Variants in CLEC7A observed in about 807,000 individuals in gnomAD.
CLEC7A encodes the protein C-type lectin domain family 7 member A.
CLEC7A carries 25 observed loss-of-function variants against 26.9 expected under a neutral mutation model. That is an observed-to-expected ratio of 0.93 (90% CI 0.68 to 1.30). The LOEUF (loss-of-function observed/expected upper bound fraction) is 1.30, where lower values mean the gene tolerates loss of function less well. CLEC7A is among the 50% of genes most tolerant of loss of function. The pLI, the probability that CLEC7A is intolerant of heterozygous loss-of-function variation, is 0.00. For synonymous variants in CLEC7A, 100 were observed against 99.5 expected, an observed-to-expected ratio of 1.01 and a Z score of -0.03; for missense variants, 275 against 286.7, an observed-to-expected ratio of 0.96 and a Z score of 0.29.
At chr12:10,118,696 G>T in intron 5 of CLEC7A, 106 bp from the exon 6 acceptor site, 1 of 963,962 alleles carries the variant, frequency 1.0e-6, no homozygotes, top group Non-Finnish European at 1.5e-6. Context: ...GAGTTCTGAA[G>T]TGTTTCTATT....
chr12:10,121,887 A>G (rs1369675606), intron 5 of CLEC7A, among the ~76,000 whole-genome samples: 1 of 152,200 alleles, frequency 6.6e-6, no homozygotes, highest in Non-Finnish European at 1.5e-5. Flanking sequence ...GAGCGCCTGT[A>G]GTCCCAGCTA....
intron 4 of CLEC7A, 129 bp from the exon 5 acceptor site, chr12:10,123,492 T>C (rs1948166987): frequency 4.6e-6 from 3 of 657,232 alleles, no homozygotes; most frequent in South Asian, 1.9e-5. Flanking sequence ...CCGGGCGCGG[T>C]GGCTCACGCC....
chr12:10,129,244 A>C (rs1229008503), intron 1 of CLEC7A, among the ~76,000 whole-genome samples: 1 of 149,654 alleles, frequency 6.7e-6, no homozygotes, highest in Non-Finnish European at 1.5e-5. Flanking sequence ...CTCTTACCAC[A>C]AAAAAAAAAT....
At chr12:10,124,392 T>C (rs1002800593) in intron 4 of CLEC7A, among the ~76,000 whole-genome samples, 5 of 152,236 alleles carry the variant, frequency 3.3e-5, no homozygotes, top group Admixed American at 6.5e-5. Flanking sequence ...TCTTACCTCA[T>C]TGAAGCTCTA....
At chr12:10,127,428 C>G in intron 2 of CLEC7A, 2 of 1,614,018 alleles carry the variant, frequency 1.2e-6, no homozygotes, top group Non-Finnish European at 1.7e-6. Context: ...TTGAATTCCA[C>G]AGCTTTGAAA....
rs915427145 is a variant in CLEC7A, at chr12:10,129,970, A to G, written c.103+10T>C. 6.6e-7 allele frequency: 1 copy of G among 1,513,106 alleles called. No homozygotes were observed. The highest frequency in any genetic ancestry group is 1.7e-5 in the Admixed American group (1 of 59,614). 93.7% of individuals were successfully genotyped at this position (1,513,106 alleles called of 1,614,324 possible). A position where few individuals can be genotyped will look rare whatever the true frequency, so the allele number is the denominator to read the frequency against. On this transcript the variant is annotated intron_variant, in intron 1 of 5. Coordinates refer to ENST00000304084, the MANE Select transcript of CLEC7A (RefSeq NM_197947.3). The stretch of plus-strand genomic sequence containing the variant: ...GCTAAAGGCACACATTAGAAAAAAC[A>G]TATATATACCTTTCTCTGAAACAAC...
intron 4 of CLEC7A, among the ~76,000 whole-genome samples, chr12:10,123,810 A>G (rs73262344): frequency 0.019 from 2,806 of 151,364 alleles, 97 homozygotes; most frequent in African/African-American, 0.066. Flanking sequence ...ACATCAACCT[A>G]GAGAGAAGTG....
chr12:10,125,491 A>C, intron 3 of CLEC7A, 43 bp from the exon 4 acceptor site: 1 of 1,540,938 alleles, frequency 6.5e-7, no homozygotes, highest in Non-Finnish European at 8.8e-7. Flanking sequence ...TAGCATACCA[A>C]TTCACTCTTT....
At chr12:10,123,093 G>C in intron 5 of CLEC7A, 152 bp downstream of exon 5, 1 of 606,092 alleles carries the variant, frequency 1.6e-6, no homozygotes, top group Non-Finnish European at 3.0e-6. Context: ...TCTTGTCCTA[G>C]TTCACTCTTT....
chr12:10,128,585 CTTTGTTGTTTTT>C (rs976462765), intron 1 of CLEC7A, among the ~76,000 whole-genome samples: 13 of 152,106 alleles, frequency 8.5e-5, no homozygotes, highest in Non-Finnish European at 1.6e-4. Context: ...AAATTACTCC[CTTTGTTGTTTTT>C]TATTCCTCTT....
chr12:10,120,281 G>A (rs1948036892), intron 5 of CLEC7A, among the ~76,000 whole-genome samples: 1 of 152,272 alleles, frequency 6.6e-6, no homozygotes, highest in African/African-American at 2.4e-5. Context: ...AAGCAAGTAT[G>A]GCTGAGAATT....
chr12:10,121,172 T>C (rs1262400095), intron 5 of CLEC7A, among the ~76,000 whole-genome samples: 1 of 151,968 alleles, frequency 6.6e-6, no homozygotes, highest in Non-Finnish European at 1.5e-5. Flanking sequence ...CAGTTAATGT[T>C]AGTCTTTGAT....
chr12:10,124,404 C>A (rs1667578517), intron 4 of CLEC7A, among the ~76,000 whole-genome samples: 1 of 152,100 alleles, frequency 6.6e-6, no homozygotes, highest in South Asian at 2.1e-4. Flanking sequence ...GAAGCTCTAC[C>A]CTTCATTCAT....
intron 2 of CLEC7A, 82 bp downstream of exon 2, chr12:10,127,665 G>T: frequency 9.6e-7 from 1 of 1,047,102 alleles, no homozygotes; most frequent in Admixed American, 2.0e-5. Context: ...GATTATGCAT[G>T]TCAAGCCCTT....
intron 2 of CLEC7A, chr12:10,127,325 A>T: frequency 6.5e-7 from 1 of 1,529,226 alleles, no homozygotes; most frequent in Non-Finnish European, 8.9e-7. Context: ...AAAATAGCTT[A>T]ATGTCCATTT....
intron 3 of CLEC7A, among the ~76,000 whole-genome samples, chr12:10,125,896 A>G (rs1948266341): frequency 6.6e-6 from 1 of 152,186 alleles, no homozygotes; most frequent in Non-Finnish European, 1.5e-5. Flanking sequence ...ATTATACACT[A>G]TCTCTGTTAT....
chr12:10,123,629 C>T lies in CLEC7A; in HGVS notation c.493-266G>A, dbSNP rs928328868. On this transcript the variant is annotated intron_variant, in intron 4 of 5. Transcript: ENST00000304084. ...ACAAAAAATTAGCCGGGCGCGGTGG[C>T]GGGCGCCTGTGGTCCCAGCTACTCG... is the stretch of plus-strand genomic sequence containing the variant. 9.1e-5 allele frequency among the ~76,000 whole-genome samples: 13 copies of T among 143,120 alleles called. No individual in the cohort carries two copies. In the South Asian group the frequency reaches 2.2e-3, roughly 24 times the overall value. The allele number at this position is 143,120 out of a possible 152,430, so 93.9% of individuals were successfully genotyped here. A position where few individuals can be genotyped will look rare whatever the true frequency, so the allele number is the denominator to read the frequency against.
intron 2 of CLEC7A, 88 bp downstream of exon 2, chr12:10,127,659 A>G (rs1469018342): frequency 1.0e-6 from 1 of 994,652 alleles, no homozygotes; most frequent in Non-Finnish European, 1.6e-6. Flanking sequence ...AAAGTAGATT[A>G]TGCATGTCAA....
intron 4 of CLEC7A, chr12:10,124,627 A>C (rs1213146943): frequency 6.6e-6 from 1 of 152,076 alleles, no homozygotes; most frequent in Non-Finnish European, 1.5e-5. Flanking sequence ...AGAGTAAATA[A>C]TTTCTAAACA....
Sources: gnomAD v4.1 joint callset for allele counts (sites outside exome capture counted in the v4.1 genomes callset) on GRCh38, gnomAD v4.1.1 for gene constraint, MANE v1.5 for transcripts, NCBI Gene and HGNC (gene_info 2026-07-23, HGNC 2026-07-21) for gene names.